The following ESRRB variants were observed in gnomAD, a reference collection of about 807,000 sequenced individuals.
ESRRB encodes estrogen related receptor beta.
A neutral mutation model predicts 46.0 loss-of-function variants in ESRRB; 16 were observed. The observed-to-expected ratio is 0.35, with a 90% CI of 0.24 to 0.53. The LOEUF is 0.53. Among genes scored for constraint, ESRRB ranks in the 20% least tolerant of loss-of-function variants. The probability of loss-of-function intolerance (pLI) is 0.93; values close to 1 mark genes in which losing one functional copy is unlikely to be tolerated. For synonymous variants in ESRRB, 246 were observed against 259.6 expected, an observed-to-expected ratio of 0.95 and a Z score of 0.50; for missense variants, 488 against 607.4, an observed-to-expected ratio of 0.80 and a Z score of 2.07.
intron 1 of ESRRB, among the ~76,000 whole-genome samples, chr14:76,311,073 T>TC (rs1353916880): frequency 6.6e-6 from 1 of 151,152 alleles, no homozygotes; most frequent in Non-Finnish European, 1.5e-5. Flanking sequence ...TTTTCCGCAC[T>TC]CTAAAGCATC....
At chr14:76,365,926 G>A (rs2139775782) in intron 1 of ESRRB, among the ~76,000 whole-genome samples, 1 of 152,288 alleles carries the variant, frequency 6.6e-6, no homozygotes, top group South Asian at 2.1e-4. Context: ...ATTGCTCGCT[G>A]ACATCCGGTC....
chr14:76,331,885 A>G (rs1477100798), intron 1 of ESRRB, among the ~76,000 whole-genome samples: 2 of 111,600 alleles, frequency 1.8e-5, no homozygotes, highest in Non-Finnish European at 4.2e-5. Context: ...GTCTGGCCCA[A>G]AGAACTGAGT....
Position 76,439,659 on chromosome 14 carries a change from G to C in ESRRB, c.369G>C (p.Leu123=), listed in dbSNP as rs1419318306. The C allele has an allele frequency of 5.6e-6, 9 of 1,614,122 alleles. No homozygotes were observed. Among genetic ancestry groups the C allele is most frequent in the Non-Finnish European group, 7.6e-6 (9 of 1,180,046 alleles). The change falls in exon 2 of 7, where the codon CTG becomes CTC. Residue 123 remains leucine, a synonymous_variant. Coordinates refer to ENST00000644823, the MANE Select transcript of ESRRB (RefSeq NM_001379180.1). ...EYMLNAIPKR[L]CLVCGDIASG... is the part of the protein sequence containing the mutation. ...TGCTCAACGCCATCCCCAAGCGCCT[G>C]TGCCTCGTGTGCGGGGACATTGCCT...
chr14:76,362,610 T>C lies in ESRRB; in HGVS notation c.2+51694T>C, dbSNP rs538414174. ...CACAGCACCAGAGCCTCCAGAAGGG[T>C]TGTTATTCTAGGCATGGGTCTGATT... On this transcript the variant is annotated intron_variant, in intron 1 of 6. Transcript: ENST00000512784. 4.7e-4 allele frequency among the ~76,000 whole-genome samples: 71 copies of C among 152,224 alleles called. 2 individuals are homozygous for C. In the South Asian group the frequency reaches 5.4e-3, roughly 12 times the overall value.
At chr14:76,412,382 C>G (rs1477167089) in intron 1 of ESRRB, among the ~76,000 whole-genome samples, 2 of 152,214 alleles carry the variant, frequency 1.3e-5, no homozygotes. Flanking sequence ...TGTGGAACAA[C>G]CTGGCTGATG....
Position 76,422,492 on chromosome 14 carries a change from T to A in ESRRB, c.51-16849T>A, listed in dbSNP as rs143111341. Among the ~76,000 whole-genome samples the A allele has an allele frequency of 3.4e-3, 511 of 152,184 alleles. 7 individuals are homozygous for A. Among genetic ancestry groups the A allele is most frequent in the African/African-American group, 0.012 (478 of 41,510 alleles). On this transcript the variant is annotated intron_variant, in intron 1 of 6. Transcript: ENST00000644823. Reference sequence around the variant, plus strand: ...TCCCAAAGTGCTGGGATTACAGGCATGAGCCACCACACCCGGCCGACATTT... The same window carrying A: ...TCCCAAAGTGCTGGGATTACAGGCAAGAGCCACCACACCCGGCCGACATTT...
chr14:76,496,863 C>T (rs1890452594), intron 6 of ESRRB, among the ~76,000 whole-genome samples: 1 of 152,230 alleles, frequency 6.6e-6, no homozygotes, highest in Non-Finnish European at 1.5e-5. Context: ...CTGCGGTTTA[C>T]CCCACATCCC....
intron 3 of ESRRB, among the ~76,000 whole-genome samples, chr14:76,468,976 C>T (rs1889243994): frequency 1.3e-5 from 2 of 152,146 alleles, no homozygotes; most frequent in Admixed American, 1.3e-4. Context: ...GTTTGTGCAC[C>T]TGTTTTCTGC....
intron 1 of ESRRB, among the ~76,000 whole-genome samples, chr14:76,317,164 A>T (rs201311787): frequency 6.8e-6 from 1 of 146,402 alleles, no homozygotes; most frequent in Non-Finnish European, 1.5e-5. Flanking sequence ...GACAGGGGAT[A>T]AAAACTCAGG....
chr14:76,384,017 A>G (rs1218492875), intron 1 of ESRRB, among the ~76,000 whole-genome samples: 1 of 152,032 alleles, frequency 6.6e-6, no homozygotes, highest in Admixed American at 6.6e-5. Flanking sequence ...CTATGCTTGG[A>G]ACCCTAGTTT....
Position 76,358,394 on chromosome 14 carries a change from A to AGAAAGAAAGAAAGAAAGAAG in ESRRB, c.2+47497_2+47498insGGAAAGAAAGAAAGAAAGAA, listed in dbSNP as rs1449003939. Among the ~76,000 whole-genome samples, 8 of 127,274 alleles carry AGAAAGAAAGAAAGAAAGAAG rather than the reference A, an allele frequency of 6.3e-5. 1 individual carries two copies. Among genetic ancestry groups the AGAAAGAAAGAAAGAAAGAAG allele is most frequent in the Non-Finnish European group, 1.4e-4 (8 of 58,018 alleles). The allele number at this position is 127,274 out of a possible 152,430, so 83.5% of individuals were successfully genotyped here. On this transcript the variant is annotated intron_variant, in intron 1 of 6. Transcript: ENST00000512784. ...AAGAAAGAAAGAAAGAAAGAAAGAA[A>AGAAAGAAAGAAAGAAAGAAG]GAAAGAAAGAAAGAAAGAAAAGAAA... is the stretch of plus-strand genomic sequence containing the variant.
At position 76,416,982 on chromosome 14, in the gene ESRRB, A is replaced by G. The variant is rs934035232; in HGVS notation, c.51-22359A>G. On this transcript the variant is annotated intron_variant, in intron 1 of 6. Transcript: ENST00000644823. The stretch of plus-strand genomic sequence containing the variant: ...TAAAGCAGGATAAGATGTAGAGTAT[A>G]TGAAATTAGCCGGGCATGGTGGCGG... Among the ~76,000 whole-genome samples the G allele has an allele frequency of 2.6e-5, 4 of 152,226 alleles. 1 individual carries two copies. The highest frequency in any genetic ancestry group is 9.6e-5 in the African/African-American group (4 of 41,552).
chr14:76,428,243 C>T (rs1887285479), intron 1 of ESRRB, among the ~76,000 whole-genome samples: 2 of 152,116 alleles, frequency 1.3e-5, no homozygotes, highest in South Asian at 2.1e-4. Flanking sequence ...GGTGATCCGC[C>T]CACCTTGGCC....
At chr14:76,340,168 G>C (rs553614852) in intron 1 of ESRRB, among the ~76,000 whole-genome samples, 1 of 152,240 alleles carries the variant, frequency 6.6e-6, no homozygotes, top group South Asian at 2.1e-4. Context: ...TAAGCAAAGT[G>C]TCCTTCCTAG....
chr14:76,383,847 A>G (rs1178774784), intron 1 of ESRRB, among the ~76,000 whole-genome samples: 5 of 152,212 alleles, frequency 3.3e-5, no homozygotes, highest in Non-Finnish European at 5.9e-5. Context: ...GGTGAAAAAA[A>G]CAAGAAGGGT....
intron 1 of ESRRB, among the ~76,000 whole-genome samples, chr14:76,402,861 TTC>T (rs1283319740): frequency 6.6e-6 from 1 of 152,146 alleles, no homozygotes; most frequent in Non-Finnish European, 1.5e-5. Flanking sequence ...CTTTCTTTTT[TTC>T]TTTTTCCTGG....
At chr14:76,468,058 T>C (rs942896078) in intron 3 of ESRRB, among the ~76,000 whole-genome samples, 39 of 152,168 alleles carry the variant, frequency 2.6e-4, no homozygotes, top group African/African-American at 9.4e-4. Flanking sequence ...CCTCCGGGGA[T>C]TCTGGGTAAT....
At chr14:76,373,419 G>A (rs534440470), upstream of ESRRB, among the ~76,000 whole-genome samples, 5 of 152,268 alleles carry the variant, frequency 3.3e-5, no homozygotes, top group South Asian at 1.0e-3. Flanking sequence ...CCCGATCCCA[G>A]AGTCCTTTAC....
chr14:76,327,670 T>G (rs765170902), intron 1 of ESRRB, among the ~76,000 whole-genome samples: 42 of 152,066 alleles, frequency 2.8e-4, no homozygotes, highest in Non-Finnish European at 4.7e-4. Context: ...CACTGGAAGT[T>G]GAACCATTTC....
Sources: allele counts gnomAD v4.1 joint callset (sites outside exome capture counted in the v4.1 genomes callset), GRCh38; gene constraint gnomAD v4.1.1; transcripts MANE v1.5; gene names NCBI Gene and HGNC (gene_info 2026-07-23, HGNC 2026-07-21).